Variants in CNOT1 observed in about 807,000 individuals in gnomAD.
The protein encoded by CNOT1 is CCR4-NOT transcription complex subunit 1.
In CNOT1, 15 loss-of-function variants were observed where a neutral mutation model predicts 273.8. The observed-to-expected ratio is 0.05, with a 90% CI of 0.04 to 0.08. The LOEUF is 0.08. Ranked by LOEUF, CNOT1 falls within the 10% of genes least tolerant of loss-of-function variation. The probability of loss-of-function intolerance (pLI) is 1.00; values close to 1 mark genes in which losing one functional copy is unlikely to be tolerated. For synonymous variants in CNOT1, 1,022 were observed against 1,005.5 expected, an observed-to-expected ratio of 1.02 and a Z score of -0.31; for missense variants, 1,644 against 2,912.2, an observed-to-expected ratio of 0.56 and a Z score of 10.02.
intron 21 of CNOT1, among the ~76,000 whole-genome samples, chr16:58,554,228 G>A (rs1035143461): frequency 6.6e-6 from 1 of 151,514 alleles, no homozygotes; most frequent in Admixed American, 6.6e-5. Flanking sequence ...ACAGACTACT[G>A]AAACGTAGTA....
intron 1 of CNOT1, among the ~76,000 whole-genome samples, chr16:58,616,009 C>A (rs1249672837): frequency 2.4e-5 from 3 of 122,920 alleles, no homozygotes; most frequent in African/African-American, 8.2e-5. Flanking sequence ...ACTGTCTGAG[C>A]CCAAGTGAGC....
chr16:58,600,178 C>A (rs929923671), intron 1 of CNOT1, among the ~76,000 whole-genome samples: 7 of 151,968 alleles, frequency 4.6e-5, no homozygotes, highest in Non-Finnish European at 4.4e-5. Flanking sequence ...AACCCCGTCT[C>A]TACTCAGAAT....
rs1375823397 is a variant in CNOT1, at chr16:58,547,008, C to G, written c.3750+178G>C. Among the ~76,000 whole-genome samples the G allele has an allele frequency of 2.6e-5, 4 of 152,174 alleles. 1 individual carries two copies. The East Asian group carries it at 7.7e-4, about 29-fold the overall frequency. On this transcript the variant is annotated intron_variant, in intron 27 of 48. Transcript: ENST00000317147. This position sits in a 1 kb window ranked among gnomAD's most constrained non-coding sequence, Gnocchi z 4.0. ...ACAAAAAACCAAAAACCAAAGCCAA[C>G]CATTATAATCTTTCTTATTTCACCC...
intron 11 of CNOT1, 81 bp from the exon 12 acceptor site, chr16:58,580,841 C>T: frequency 7.5e-7 from 1 of 1,330,940 alleles, no homozygotes; most frequent in Non-Finnish European, 1.0e-6. Flanking sequence ...AGGCTATTGT[C>T]AATCTTAAGG....
chr16:58,614,490 T>C lies in CNOT1; in HGVS notation c.-174-14979A>G, dbSNP rs1361862720. On this transcript the variant is annotated intron_variant, in intron 1 of 48. Transcript: ENST00000317147. ...CTACAGGAACAGGCCCCACCAATAA[T>C]AACAATAGGCACTGAGTTTCTAGCA... is the stretch of plus-strand genomic sequence containing the variant. Among the ~76,000 whole-genome samples the C allele has an allele frequency of 4.8e-5, 6 of 125,250 alleles. 2 individuals are homozygous for C. Among genetic ancestry groups the C allele is most frequent in the Non-Finnish European group, 3.8e-5 (2 of 52,566 alleles). The allele number at this position is 125,250 out of a possible 152,430, so 82.2% of individuals were successfully genotyped here.
intron 7 of CNOT1, 129 bp from the exon 8 acceptor site, chr16:58,585,635 T>C: frequency 7.0e-7 from 1 of 1,418,532 alleles, no homozygotes; most frequent in Non-Finnish European, 9.2e-7. Context: ...TATTTCATTT[T>C]TCCAGCCTAC....
intron 31 of CNOT1, chr16:58,543,074 CAG>C (rs1392772257): frequency 1.7e-6 from 2 of 1,202,170 alleles, no homozygotes; most frequent in African/African-American, 1.6e-5. Flanking sequence ...GCCTAAGCTA[CAG>C]AGTGAGACCC....
intron 1 of CNOT1, among the ~76,000 whole-genome samples, chr16:58,601,929 C>T (rs1408687965): frequency 2.0e-5 from 3 of 151,360 alleles, no homozygotes; most frequent in Non-Finnish European, 4.4e-5. Context: ...GATGGATACA[C>T]TTATTTTGTT....
chr16:58,593,410 T>C (rs963033718), intron 2 of CNOT1, among the ~76,000 whole-genome samples: 4 of 151,990 alleles, frequency 2.6e-5, no homozygotes, highest in African/African-American at 9.7e-5. Context: ...AAATACAGTA[T>C]TAGCTAGGCA....
chr16:58,544,558 C>A (rs1465266592), intron 30 of CNOT1, among the ~76,000 whole-genome samples: 1 of 152,108 alleles, frequency 6.6e-6, no homozygotes, highest in Non-Finnish European at 1.5e-5. Flanking sequence ...TCACTCCACC[C>A]CTCTAAAACT....
intron 2 of CNOT1, among the ~76,000 whole-genome samples, chr16:58,593,506 C>T (rs1378620756): frequency 1.3e-5 from 2 of 150,030 alleles, no homozygotes; most frequent in African/African-American, 4.9e-5. Context: ...TTGCAGCGAG[C>T]GGAGATCGTG....
At chr16:58,569,588 AAAAGTACAGTAACTGTAAT>A (rs1415348180) in intron 16 of CNOT1, among the ~76,000 whole-genome samples, 11 of 151,790 alleles carry the variant, frequency 7.2e-5, no homozygotes, top group African/African-American at 2.7e-4. Context: ...ACCAAACAGA[AAAAGTACAGTAACTGTAAT>A]AAAGTTTCAC....
Position 58,547,174 on chromosome 16 carries a change from A to G in CNOT1, c.3750+12T>C. The stretch of plus-strand genomic sequence containing the variant: ...GAAATTAGTCATAAATAAAATATTA[A>G]AATCTACTCACCACACTACGAATGC... On this transcript the variant is annotated intron_variant, in intron 27 of 48. Transcript: ENST00000317147. This position sits in a 1 kb window ranked among gnomAD's most constrained non-coding sequence, Gnocchi z 4.0. 3 of 1,601,736 alleles carry G rather than the reference A, an allele frequency of 1.9e-6. No individual in the cohort carries two copies. The highest frequency in any genetic ancestry group is 2.6e-6 in the Non-Finnish European group (3 of 1,175,336).
intron 1 of CNOT1, among the ~76,000 whole-genome samples, chr16:58,609,401 C>CA (rs1160087614): frequency 2.6e-5 from 4 of 151,574 alleles, no homozygotes; most frequent in African/African-American, 9.7e-5. Context: ...TACAAACAAA[C>CA]AAAAAAACAA....
rs1169943695 is a variant in CNOT1 at position 58,538,831 on chromosome 16, T to C, written c.5076A>G (p.Leu1692=). The C allele has an allele frequency of 6.8e-6, 11 of 1,612,088 alleles. No individual in the cohort carries two copies. In the East Asian group the frequency reaches 2.5e-4, roughly 36 times the overall value. ...LRYRECHLLV[L]KALQDGRAYG... ...ATGCCCGGCCATCCTGCAGAGCTTT[T>C]AGGACCAAGAGGTGGCATTCCCTGT... The change falls in exon 36 of 49, where the codon CTA becomes CTG. Residue 1692 remains leucine, a synonymous_variant. Transcript: ENST00000317147.
chr16:58,583,353 T>A (rs941977027), intron 8 of CNOT1, among the ~76,000 whole-genome samples, 171 bp from the exon 9 acceptor site: 1 of 152,148 alleles, frequency 6.6e-6, no homozygotes, highest in African/African-American at 2.4e-5. Context: ...GTAAAAACCA[T>A]CTACTTCAGT....
intron 16 of CNOT1, among the ~76,000 whole-genome samples, chr16:58,565,978 T>C (rs952856089): frequency 6.8e-6 from 1 of 147,232 alleles, no homozygotes; most frequent in African/African-American, 2.7e-5. Context: ...TTTTGTAGAA[T>C]GTCCCTTGAT....
intron 2 of CNOT1, 57 bp from the exon 3 acceptor site, chr16:58,588,963 T>C: frequency 1.4e-6 from 2 of 1,470,602 alleles, no homozygotes; most frequent in Non-Finnish European, 1.8e-6. Flanking sequence ...AAAAAAAAAG[T>C]AAGGTTTCAA....
Position 58,587,329 on chromosome 16 carries a change from T to A in CNOT1, c.378+16A>T. 6.2e-7 allele frequency: 1 copy of A among 1,613,900 alleles called. No individual in the cohort carries two copies. Among genetic ancestry groups the A allele is most frequent in the Non-Finnish European group, 8.5e-7 (1 of 1,179,940 alleles). ...AATTCTAGTTTTGTCTACATCTCTT[T>A]TCATAAATCACTCACCTCTTGTACT... is the stretch of plus-strand genomic sequence containing the variant. On this transcript the variant is annotated intron_variant, in intron 5 of 48. Transcript: ENST00000317147.
Sources: gnomAD v4.1 joint callset for allele counts (sites outside exome capture counted in the v4.1 genomes callset) on GRCh38, gnomAD v4.1.1 for gene constraint, Gnocchi (gnomAD v3.1) non-coding constraint, MANE v1.5 for transcripts, NCBI Gene and HGNC (gene_info 2026-07-23, HGNC 2026-07-21) for gene names.